PCDH15: variants seen among roughly 807,000 people sequenced by gnomAD.
The protein encoded by PCDH15 is protocadherin related 15.
Under a neutral mutation model 178.5 loss-of-function variants are expected in PCDH15, and 129 were observed. The observed-to-expected ratio is 0.72, with a 90% confidence interval of 0.63 to 0.84. The LOEUF (loss-of-function observed/expected upper bound fraction) is 0.84. Ranked by LOEUF, PCDH15 falls within the 40% of genes least tolerant of loss-of-function variation. PCDH15 has a pLI of 0.00. For missense variants in PCDH15, 2,230 were observed against 2,099.9 expected (o/e 1.06, Z -1.21); for synonymous variants, 800 against 732.0 (o/e 1.09, Z -1.50).
intron 13 of PCDH15, among the ~76,000 whole-genome samples, chr10:54,182,919 C>G (rs916927953): frequency 3.3e-5 from 5 of 151,800 alleles, no homozygotes; most frequent in African/African-American, 9.7e-5. Flanking sequence ...CCTCTAATAA[C>G]CAGTTAAGTC....
At chr10:54,375,395 A>G (rs543124151) in intron 4 of PCDH15, among the ~76,000 whole-genome samples, 1 of 152,216 alleles carries the variant, frequency 6.6e-6, no homozygotes, top group African/African-American at 2.4e-5. Flanking sequence ...GAAACTAGAG[A>G]CCATATGGTC....
At position 54,732,646 on chromosome 10, in the gene PCDH15, C is replaced by T. The variant is rs185254202; in HGVS notation, c.-29+68279G>A. ...TTTTAACAATTCTGAACAATCCCTT[C>T]CAAAAAATAGAAGAGGAAGTAACAA... On this transcript the variant is annotated intron_variant, in intron 1 of 37. Transcript: ENST00000644397. Among the ~76,000 whole-genome samples the T allele has an allele frequency of 2.8e-3, 423 of 151,490 alleles. No homozygotes were observed. In the Middle Eastern group the frequency reaches 0.051, roughly 18 times the overall value.
At chr10:54,851,735 A>C (rs1386260740) in intron 3 of PCDH15, among the ~76,000 whole-genome samples, 4 of 151,952 alleles carry the variant, frequency 2.6e-5, no homozygotes, top group African/African-American at 9.7e-5. Context: ...ACGCCTGGCT[A>C]ATATTTGTAT....
intron 2 of PCDH15, among the ~76,000 whole-genome samples, chr10:54,554,346 G>T (rs997370650): frequency 6.6e-6 from 1 of 152,126 alleles, no homozygotes. Context: ...CAATGTAAAA[G>T]TCTGGACAAA....
At chr10:54,574,223 C>A (rs1239731540) in intron 2 of PCDH15, among the ~76,000 whole-genome samples, 3 of 151,026 alleles carry the variant, frequency 2.0e-5, no homozygotes, top group African/African-American at 7.3e-5. Flanking sequence ...GGAAGGGATC[C>A]AGTTTCAGCT....
intron 1 of PCDH15, among the ~76,000 whole-genome samples, chr10:54,793,559 G>A (rs1951639237): frequency 6.6e-6 from 1 of 151,228 alleles, no homozygotes; most frequent in South Asian, 2.1e-4. Flanking sequence ...GCTGAAAAAG[G>A]CATGAATTAA....
chr10:54,256,176 C>T (rs1345544143), intron 8 of PCDH15, among the ~76,000 whole-genome samples: 2 of 152,194 alleles, frequency 1.3e-5, no homozygotes, highest in East Asian at 1.9e-4. Flanking sequence ...ATCTTTGAAG[C>T]GTATCCTACT....
At chr10:54,272,009 C>A (rs549366027) in intron 8 of PCDH15, among the ~76,000 whole-genome samples, 3 of 143,488 alleles carry the variant, frequency 2.1e-5, no homozygotes, top group African/African-American at 5.1e-5. Context: ...ATATATATAT[C>A]ATATATATAT....
At chr10:55,119,314 A>C (rs1043135270) in intron 2 of PCDH15, among the ~76,000 whole-genome samples, 3 of 152,084 alleles carry the variant, frequency 2.0e-5, no homozygotes, top group African/African-American at 7.2e-5. Flanking sequence ...TTCTAACCTG[A>C]CCTTCGACTT....
At chr10:55,585,847 G>A (rs1325201251) in intron 2 of PCDH15, among the ~76,000 whole-genome samples, 1 of 151,940 alleles carries the variant, frequency 6.6e-6, no homozygotes, top group Non-Finnish European at 1.5e-5. Flanking sequence ...TCACAACTCA[G>A]GATAATTTGC....
At chr10:55,490,849 A>C (rs936380906) in intron 2 of PCDH15, among the ~76,000 whole-genome samples, 7 of 151,816 alleles carry the variant, frequency 4.6e-5, no homozygotes, top group Non-Finnish European at 1.5e-5. Context: ...AGCATGTCAT[A>C]ATGAAGTTGT....
At position 54,730,525 on chromosome 10, in the gene PCDH15, A is replaced by G. The variant is rs531637384; in HGVS notation, c.-28-66235T>C. On this transcript the variant is annotated intron_variant, in intron 1 of 37. Coordinates refer to ENST00000644397, the MANE Select transcript of PCDH15 (RefSeq NM_001384140.1). ...AATTTACCTTGTAGAAAACATGCAC[A>G]TGTACCCCAAACTTAAAATAAAAGT... Among the ~76,000 whole-genome samples the G allele has an allele frequency of 5.9e-5, 9 of 151,720 alleles. No homozygotes were observed. The South Asian group carries it at 1.0e-3, about 17-fold the overall frequency.
At chr10:54,376,445 T>C (rs1349481638) in intron 4 of PCDH15, among the ~76,000 whole-genome samples, 1 of 150,832 alleles carries the variant, frequency 6.6e-6, no homozygotes, top group African/African-American at 2.4e-5. Flanking sequence ...TATTTACATA[T>C]ATGAATATCA....
At chr10:55,223,962 A>G (rs1193064079) in intron 1 of PCDH15, among the ~76,000 whole-genome samples, 1 of 152,112 alleles carries the variant, frequency 6.6e-6, no homozygotes, top group East Asian at 1.9e-4. Context: ...CCATAAATAA[A>G]CAAATACAGC....
intron 2 of PCDH15, among the ~76,000 whole-genome samples, chr10:55,063,690 A>G (rs1841496629): frequency 6.6e-6 from 1 of 152,174 alleles, no homozygotes; most frequent in South Asian, 2.1e-4. Flanking sequence ...ACGCATAAAC[A>G]TTATAAATCA....
chr10:54,608,623 CA>C (rs1409166251), intron 2 of PCDH15, among the ~76,000 whole-genome samples: 1 of 151,666 alleles, frequency 6.6e-6, no homozygotes, highest in Non-Finnish European at 1.5e-5. Context: ...ATAAAAAATA[CA>C]AAAAGGAGAA....
rs868491303 is a variant in PCDH15 at position 54,242,145 on chromosome 10, T to C, written c.877-5214A>G. On this transcript the variant is annotated intron_variant, in intron 8 of 37. Transcript: ENST00000644397. ...AATTCTATTTTTATATATATATATATATATATATATATATATATATATATA... is the reference window on the plus strand; with the variant it reads ...AATTCTATTTTTATATATATATATACATATATATATATATATATATATATA... Among the ~76,000 whole-genome samples, 269 of 53,504 alleles carry C rather than the reference T, an allele frequency of 5.0e-3. 4 individuals carry two copies. Among genetic ancestry groups the C allele is most frequent in the African/African-American group, 0.01 (85 of 8,260 alleles). The allele number at this position is 53,504 out of a possible 152,430, so 35.1% of individuals were successfully genotyped here. A position where few individuals can be genotyped will look rare whatever the true frequency, so the allele number is the denominator to read the frequency against.
At chr10:55,114,193 C>T (rs1837576425) in intron 2 of PCDH15, among the ~76,000 whole-genome samples, 1 of 152,140 alleles carries the variant, frequency 6.6e-6, no homozygotes, top group Admixed American at 6.5e-5. Flanking sequence ...CCTCATGATC[C>T]TCCTGCCTTG....
At chr10:54,856,082 T>C (rs907836101) in intron 3 of PCDH15, among the ~76,000 whole-genome samples, 1 of 152,298 alleles carries the variant, frequency 6.6e-6, no homozygotes, top group Non-Finnish European at 1.5e-5. Flanking sequence ...TTAATACATA[T>C]GATTGTATTT....
Sources: allele counts gnomAD v4.1 joint callset (sites outside exome capture counted in the v4.1 genomes callset), GRCh38; gene constraint gnomAD v4.1.1; transcripts MANE v1.5; gene names NCBI Gene and HGNC (gene_info 2026-07-23, HGNC 2026-07-21).